The following RARB variants were observed in gnomAD, a reference collection of about 807,000 sequenced individuals.
RARB encodes retinoic acid receptor beta.
In RARB, 17 loss-of-function variants were observed where a neutral mutation model predicts 51.9. The ratio of observed to expected loss-of-function variants is 0.33; its 90% CI spans 0.22 to 0.49. The LOEUF is 0.49. Among genes scored for constraint, RARB ranks in the 20% least tolerant of loss-of-function variants. The pLI, the probability that RARB is intolerant of heterozygous loss-of-function variation, is 0.99. For missense variants in RARB, 369 were observed against 550.8 expected (o/e 0.67, Z 3.30); for synonymous variants, 215 against 195.4 (o/e 1.10, Z -0.84).
intron 5 of RARB, among the ~76,000 whole-genome samples, chr3:25,272,552 T>C (rs1463943684): frequency 6.6e-6 from 1 of 152,212 alleles, no homozygotes; most frequent in Admixed American, 6.5e-5. Context: ...AACTACATAT[T>C]AGAATAACCT....
intron 5 of RARB, among the ~76,000 whole-genome samples, chr3:25,239,311 T>G (rs1439482826): frequency 6.6e-6 from 1 of 152,212 alleles, no homozygotes; most frequent in Non-Finnish European, 1.5e-5. Context: ...TTTAATATAG[T>G]ACCGTTTGTT....
chr3:25,391,151 G>GT (rs1185380857), intron 5 of RARB, among the ~76,000 whole-genome samples: 1 of 152,102 alleles, frequency 6.6e-6, no homozygotes, highest in Non-Finnish European at 1.5e-5. Flanking sequence ...ACAATGTTTG[G>GT]TTTTCCATTC....
At chr3:24,932,835 A>C (rs1231255362) in intron 2 of RARB, among the ~76,000 whole-genome samples, 1 of 152,140 alleles carries the variant, frequency 6.6e-6, no homozygotes, top group Non-Finnish European at 1.5e-5. Context: ...GACTTACAGA[A>C]TTCATGGAGG....
intron 2 of RARB, among the ~76,000 whole-genome samples, chr3:25,468,166 T>C (rs1695522987): frequency 6.6e-6 from 1 of 152,150 alleles, no homozygotes; most frequent in Non-Finnish European, 1.5e-5. Context: ...AGCCTATCTG[T>C]AAAATGAAAG....
intron 5 of RARB, among the ~76,000 whole-genome samples, chr3:25,313,080 T>G (rs967544910): frequency 6.6e-6 from 1 of 152,236 alleles, no homozygotes; most frequent in East Asian, 1.9e-4. Context: ...CATTTCTATT[T>G]CCATTCTGTA....
intron 2 of RARB, among the ~76,000 whole-genome samples, chr3:25,479,196 A>G (rs1190102701): frequency 6.6e-6 from 1 of 152,056 alleles, no homozygotes; most frequent in South Asian, 2.1e-4. Flanking sequence ...ATTTTCGTGA[A>G]GTACAGTGTG....
Position 25,418,305 on chromosome 3 carries a change from T to G in RARB, c.179-42888T>G, listed in dbSNP as rs141554660. Among the ~76,000 whole-genome samples the G allele has an allele frequency of 1.8e-3, 273 of 152,276 alleles. 3 individuals are homozygous for G. Among genetic ancestry groups the G allele is most frequent in the African/African-American group, 6.4e-3 (265 of 41,550 alleles). On this transcript the variant is annotated intron_variant, in intron 5 of 11. Transcript: ENST00000383772. ...ATATAATTTTTTTTGTCTATTTCTA[T>G]CGAATGTGTGAATACTAATGCCAAA...
intron 5 of RARB, among the ~76,000 whole-genome samples, chr3:25,213,821 C>T (rs902426280): frequency 6.6e-6 from 1 of 152,292 alleles, no homozygotes; most frequent in East Asian, 1.9e-4. Context: ...GGGCACCTTC[C>T]ATAATGTAAT....
chr3:25,267,276 T>C (rs1388396307), intron 5 of RARB, among the ~76,000 whole-genome samples: 5 of 152,190 alleles, frequency 3.3e-5, no homozygotes, highest in African/African-American at 7.2e-5. Context: ...GCAGCTAGTA[T>C]ACAAGGCATT....
intron 5 of RARB, among the ~76,000 whole-genome samples, chr3:25,418,285 A>T (rs1559392407): frequency 6.6e-6 from 1 of 151,896 alleles, no homozygotes; most frequent in African/African-American, 2.4e-5. Flanking sequence ...TAAAAATATA[A>T]TTTTTTTTGT....
intron 5 of RARB, among the ~76,000 whole-genome samples, chr3:25,236,584 A>C (rs1226514867): frequency 2.6e-5 from 4 of 152,114 alleles, no homozygotes; most frequent in Admixed American, 1.3e-4. Flanking sequence ...AGGAAAGAAA[A>C]GGAGCATCTT....
chr3:25,484,053 C>T (rs769268492), intron 2 of RARB, among the ~76,000 whole-genome samples: 6 of 152,174 alleles, frequency 3.9e-5, no homozygotes, highest in South Asian at 2.1e-4. Context: ...CAAAATGTTC[C>T]GTTAGTGAAG....
chr3:25,349,700 G>C (rs1360728356), intron 5 of RARB, among the ~76,000 whole-genome samples: 1 of 152,086 alleles, frequency 6.6e-6, no homozygotes, highest in African/African-American at 2.4e-5. Flanking sequence ...ACATTTAAAA[G>C]TTCTATGTGT....
intron 2 of RARB, among the ~76,000 whole-genome samples, chr3:24,955,694 A>G (rs1383690186): frequency 6.6e-6 from 1 of 151,970 alleles, no homozygotes; most frequent in Admixed American, 6.6e-5. Flanking sequence ...CCTTTTTTTT[A>G]GGGGGTGGAA....
chr3:25,367,665 A>T (rs1347821748), intron 5 of RARB, among the ~76,000 whole-genome samples: 2 of 151,756 alleles, frequency 1.3e-5, no homozygotes, highest in Non-Finnish European at 2.9e-5. Flanking sequence ...AAAAAAAAAA[A>T]AAATACCAAA....
intron 2 of RARB, among the ~76,000 whole-genome samples, chr3:25,475,716 G>A (rs1295181280): frequency 1.3e-5 from 2 of 152,058 alleles, no homozygotes; most frequent in Non-Finnish European, 2.9e-5. Flanking sequence ...CCATATCCAC[G>A]CTGACCAATA....
chr3:25,467,722 A>T (rs1269322955), intron 2 of RARB, among the ~76,000 whole-genome samples: 5 of 152,266 alleles, frequency 3.3e-5, no homozygotes, highest in Non-Finnish European at 7.3e-5. Context: ...GCATTTGGTT[A>T]CATACCGTCT....
At chr3:25,004,890 C>G (rs140680942) in intron 2 of RARB, among the ~76,000 whole-genome samples, 300 of 152,218 alleles carry the variant, frequency 2.0e-3, no homozygotes, top group Non-Finnish European at 2.6e-3. Context: ...AGTGTCAGAA[C>G]AGTTCTACTT....
intron 5 of RARB, among the ~76,000 whole-genome samples, chr3:25,281,991 A>C (rs1393950678): frequency 6.6e-6 from 1 of 152,224 alleles, no homozygotes; most frequent in East Asian, 1.9e-4. Flanking sequence ...TTAATGAGGC[A>C]CTGTCTTTGG....
Sources: allele counts gnomAD v4.1 joint callset (sites outside exome capture counted in the v4.1 genomes callset), GRCh38; gene constraint gnomAD v4.1.1; transcripts MANE v1.5; gene names NCBI Gene and HGNC (gene_info 2026-07-23, HGNC 2026-07-21).